CIT: variants seen among roughly 807,000 people sequenced by gnomAD.
CIT encodes citron Rho-interacting kinase.
CIT carries 79 observed loss-of-function variants against 272.7 expected under a neutral mutation model. The observed-to-expected ratio is 0.29, with a 90% CI of 0.24 to 0.35. The LOEUF (loss-of-function observed/expected upper bound fraction) is 0.35, where lower values mean the gene tolerates loss of function less well. Ranked by LOEUF, CIT falls within the 10% of genes least tolerant of loss-of-function variation. The pLI is 1.00. For missense variants in CIT, 1,909 were observed against 2,618.3 expected (o/e 0.73, Z 5.91); for synonymous variants, 948 against 995.6 (o/e 0.95, Z 0.90).
In CIT at chr12:119,710,960, C is replaced by T; in HGVS notation, c.4855-340G>A. ...TCACCTGCGCAGGGTTAATAAGACA[C>T]ATGAAAGACTCCTTCCCCCATAAGG... On this transcript the variant is annotated intron_variant, in intron 37 of 47. Coordinates refer to ENST00000392521, the MANE Select transcript of CIT (RefSeq NM_001206999.2). The surrounding 1 kb of genome is among the most constrained non-coding windows in gnomAD (Gnocchi z 5.6). 1 of 1,097,054 alleles carries T rather than the reference C, an allele frequency of 9.1e-7. No individual in the cohort carries two copies. Among genetic ancestry groups the T allele is most frequent in the East Asian group, 4.6e-5 (1 of 21,938 alleles). 68.0% of individuals were successfully genotyped at this position (1,097,054 alleles called of 1,614,324 possible). A position where few individuals can be genotyped will look rare whatever the true frequency, so the allele number is the denominator to read the frequency against.
Position 119,760,927 on chromosome 12 carries a change from CCTT to C in CIT, c.2421+9_2421+11del. ...TCCTTTGAACACTGGCTTGGCAACTCCTTCTACCTACCGCCTTCTGTTCGCTGA... is the reference window on the plus strand; with the variant it reads ...TCCTTTGAACACTGGCTTGGCAACTCCTACCTACCGCCTTCTGTTCGCTGA... On this transcript the variant is annotated intron_variant, in intron 20 of 47. Coordinates refer to ENST00000392521, the MANE Select transcript of CIT (RefSeq NM_001206999.2). The C allele has an allele frequency of 6.3e-7, 1 of 1,576,786 alleles. No homozygotes were observed. Among genetic ancestry groups the C allele is most frequent in the Non-Finnish European group, 8.7e-7 (1 of 1,145,950 alleles).
intron 5 of CIT, among the ~76,000 whole-genome samples, chr12:119,848,469 A>G (rs1279072174): frequency 6.6e-6 from 1 of 152,182 alleles, no homozygotes; most frequent in Non-Finnish European, 1.5e-5. Context: ...TGTTTCCAGG[A>G]TACACTTGTT....
chr12:119,788,351 G>A (rs1307987814), intron 10 of CIT, among the ~76,000 whole-genome samples: 1 of 152,136 alleles, frequency 6.6e-6, no homozygotes, highest in African/African-American at 2.4e-5. Flanking sequence ...GGGTGGGCTA[G>A]AGAACAAGAC....
chr12:119,756,861 G>A (rs1192983423), intron 22 of CIT, among the ~76,000 whole-genome samples: 1 of 152,128 alleles, frequency 6.6e-6, no homozygotes, highest in East Asian at 1.9e-4. Flanking sequence ...AGGCATGGTG[G>A]CTCACGCCTG....
At chr12:119,860,027 A>C (rs1379684544) in intron 3 of CIT, among the ~76,000 whole-genome samples, 2 of 152,114 alleles carry the variant, frequency 1.3e-5, no homozygotes, top group Non-Finnish European at 2.9e-5. Context: ...TATGTCACCC[A>C]GGCTGGTCTC....
At chr12:119,760,442 C>T (rs935789007) in intron 20 of CIT, among the ~76,000 whole-genome samples, 1 of 151,994 alleles carries the variant, frequency 6.6e-6, no homozygotes, top group African/African-American at 2.4e-5. Context: ...GCCTGGGCAA[C>T]ATAGCAAGAT....
chr12:119,783,816 G>C, intron 12 of CIT, 92 bp downstream of exon 12: 1 of 1,434,962 alleles, frequency 7.0e-7, no homozygotes. Flanking sequence ...CATTGGCTGT[G>C]ATGTGCCTCA....
In CIT at chr12:119,701,164, GAA is replaced by G. The variant is rs913786876; in HGVS notation, c.5543-341_5543-340del. On this transcript the variant is annotated intron_variant, in intron 43 of 47. Coordinates refer to ENST00000392521, the MANE Select transcript of CIT (RefSeq NM_001206999.2). ...GAAGGAGGACAGACAGGGAAAGACG[GAA>G]AGACTCAGGAAAGAAGGGAAGGGGG... Among the ~76,000 whole-genome samples the G allele has an allele frequency of 3.9e-5, 5 of 127,708 alleles. 1 individual carries two copies. Among genetic ancestry groups the G allele is most frequent in the African/African-American group, 1.4e-4 (5 of 35,362 alleles). The allele number at this position is 127,708 out of a possible 152,430, so 83.8% of individuals were successfully genotyped here. A position where few individuals can be genotyped will look rare whatever the true frequency, so the allele number is the denominator to read the frequency against.
At position 119,804,652 on chromosome 12, in the gene CIT, A is replaced by G. The variant is rs987622466; in HGVS notation, c.1112-1263T>C. ...CAAGCAGTCTGTTTTCTGCTTACAG[A>G]CTCCAAAAAAATCTGGCTGTTTCCA... On this transcript the variant is annotated intron_variant, in intron 9 of 47. Transcript: ENST00000392521. The surrounding 1 kb of genome is among the most constrained non-coding windows in gnomAD (Gnocchi z 5.3). 6.6e-6 allele frequency among the ~76,000 whole-genome samples: 1 copy of G among 152,058 alleles called. No homozygotes were observed. The highest frequency in any genetic ancestry group is 2.4e-5 in the African/African-American group (1 of 41,386).
chr12:119,828,901 G>A (rs1302152046), intron 7 of CIT, among the ~76,000 whole-genome samples: 3 of 151,836 alleles, frequency 2.0e-5, no homozygotes, highest in Non-Finnish European at 4.4e-5. Context: ...TAACAGGGAA[G>A]AAAATAAACA....
Position 119,697,568 on chromosome 12 carries a change from G to T in CIT, c.5882+91C>A. The T allele has an allele frequency of 7.6e-7, 1 of 1,312,240 alleles. No individual in the cohort carries two copies. Among genetic ancestry groups the T allele is most frequent in the Non-Finnish European group, 1.1e-6 (1 of 950,124 alleles). The allele number at this position is 1,312,240 out of a possible 1,614,324, so 81.3% of individuals were successfully genotyped here. On this transcript the variant is annotated intron_variant, in intron 46 of 47. Transcript: ENST00000392521. This position sits in a 1 kb window ranked among gnomAD's most constrained non-coding sequence, Gnocchi z 4.9. Reference sequence around the variant, plus strand: ...TGAGCTTAAGAACAAAGTGAAGATTGGGAAACATTCTACTGGTTTAGTATC... The same window carrying T: ...TGAGCTTAAGAACAAAGTGAAGATTTGGAAACATTCTACTGGTTTAGTATC...
chr12:119,759,913 G>A (rs1032973332), intron 20 of CIT, among the ~76,000 whole-genome samples: 4 of 151,974 alleles, frequency 2.6e-5, no homozygotes, highest in African/African-American at 7.3e-5. Flanking sequence ...GGGGTCGGGC[G>A]CGGTGGCTCG....
intron 5 of CIT, among the ~76,000 whole-genome samples, chr12:119,842,505 A>G (rs1441404104): frequency 6.6e-6 from 1 of 152,114 alleles, no homozygotes; most frequent in African/African-American, 2.4e-5. Flanking sequence ...GTTATGCAGA[A>G]TTGAACAGAT....
Position 119,857,675 on chromosome 12 carries a change from G to GT in CIT, c.261dup (p.Gln88ThrfsTer23). 1 of 1,614,022 alleles carries GT rather than the reference G, an allele frequency of 6.2e-7. No homozygotes were observed. The highest frequency in any genetic ancestry group is 8.5e-7 in the Non-Finnish European group (1 of 1,180,022). On this transcript the variant is annotated frameshift_variant, in exon 4 of 48. Coordinates refer to ENST00000392521, the MANE Select transcript of CIT (RefSeq NM_001206999.2). LOFTEE classifies it high-confidence loss of function. ...TCCTTTGCCGAAGGCTGGAGCTCCTGTAACTCAGCTATGGTGTCGGAATCT... is the reference window on the plus strand; with the variant it reads ...TCCTTTGCCGAAGGCTGGAGCTCCTGTTAACTCAGCTATGGTGTCGGAATCT...
chr12:119,706,293 CTTTAACT>C (rs764838443), intron 40 of CIT, among the ~76,000 whole-genome samples: 28 of 152,050 alleles, frequency 1.8e-4, no homozygotes, highest in African/African-American at 6.5e-4. Context: ...TTATTTTCTA[CTTTAACT>C]TTTAAGTTCA....
intron 26 of CIT, among the ~76,000 whole-genome samples, chr12:119,731,955 C>T (rs1395798585): frequency 1.3e-5 from 2 of 151,856 alleles, no homozygotes; most frequent in Non-Finnish European, 2.9e-5. Flanking sequence ...CCTGCCTCAG[C>T]CTCCCAAGTA....
chr12:119,800,808 G>A (rs1381007493), intron 10 of CIT, among the ~76,000 whole-genome samples: 3 of 152,198 alleles, frequency 2.0e-5, no homozygotes, highest in African/African-American at 7.2e-5. Context: ...TAAAACTGCA[G>A]GAGCTGCTAA....
chr12:119,787,034 A>C (rs1964850180), intron 10 of CIT, among the ~76,000 whole-genome samples: 1 of 152,044 alleles, frequency 6.6e-6, no homozygotes, highest in Non-Finnish European at 1.5e-5. Context: ...CGGTGGTCCC[A>C]GGTCACTGCA....
Position 119,770,673 on chromosome 12 carries a change from T to C in CIT, c.2208+112A>G. ...TGCTGAAACCACCTCACTCAATTCA[T>C]CTACTTGGAGATACCTCCCTTATTG... is the stretch of plus-strand genomic sequence containing the variant. On this transcript the variant is annotated intron_variant, in intron 18 of 47. Transcript: ENST00000392521. The surrounding 1 kb of genome is among the most constrained non-coding windows in gnomAD (Gnocchi z 4.4). 8.0e-7 allele frequency: 1 copy of C among 1,257,160 alleles called. No homozygotes were observed. Among genetic ancestry groups the C allele is most frequent in the East Asian group, 2.3e-5 (1 of 42,966 alleles). 77.9% of individuals were successfully genotyped at this position (1,257,160 alleles called of 1,614,324 possible).
Sources: allele counts gnomAD v4.1 joint callset (sites outside exome capture counted in the v4.1 genomes callset), GRCh38; gene constraint gnomAD v4.1.1; non-coding constraint Gnocchi (gnomAD v3.1); transcripts MANE v1.5; gene names NCBI Gene and HGNC (gene_info 2026-07-23, HGNC 2026-07-21).